Variants in MAP3K7CL observed in about 807,000 individuals in gnomAD.
MAP3K7CL encodes MAP3K7 C-terminal-like protein.
Under a neutral mutation model 18.6 loss-of-function variants are expected in MAP3K7CL, and 16 were observed. That is an observed-to-expected ratio of 0.86 (90% CI 0.58 to 1.31). The LOEUF is 1.31. Ranked by LOEUF, MAP3K7CL falls within the 50% of genes most tolerant of loss-of-function variation. The pLI is 0.00. For missense variants in MAP3K7CL, 163 were observed against 174.4 expected (o/e 0.93, Z 0.37); for synonymous variants, 65 against 66.8 (o/e 0.97, Z 0.13).
chr21:29,107,105 C>G (rs1232119722), intron 4 of MAP3K7CL, among the ~76,000 whole-genome samples: 1 of 152,118 alleles, frequency 6.6e-6, no homozygotes, highest in East Asian at 1.9e-4. Flanking sequence ...ATCATGAGGT[C>G]AGGAGTTCAA....
At chr21:29,079,521 A>G (rs1489408788) in intron 1 of MAP3K7CL, among the ~76,000 whole-genome samples, 1 of 152,198 alleles carries the variant, frequency 6.6e-6, no homozygotes, top group Non-Finnish European at 1.5e-5. Flanking sequence ...CCCAAGAGGG[A>G]GCATCTGATT....
intron 4 of MAP3K7CL, among the ~76,000 whole-genome samples, chr21:29,114,591 A>C (rs543852656): frequency 1.3e-5 from 2 of 151,886 alleles, no homozygotes; most frequent in Non-Finnish European, 2.9e-5. Flanking sequence ...GGTTCTTGCT[A>C]TGTTGCCCAG....
chr21:29,122,586 C>T (rs542033770), intron 4 of MAP3K7CL, among the ~76,000 whole-genome samples: 47 of 152,330 alleles, frequency 3.1e-4, no homozygotes, highest in Non-Finnish European at 5.0e-4. Context: ...CTGCCAAACT[C>T]TTCTTCGAGG....
intron 2 of MAP3K7CL, among the ~76,000 whole-genome samples, chr21:29,146,690 A>G (rs1042155629): frequency 1.1e-4 from 17 of 152,326 alleles, no homozygotes; most frequent in African/African-American, 3.8e-4. Context: ...GAGGACACCC[A>G]TTGTCTAGCA....
intron 4 of MAP3K7CL, among the ~76,000 whole-genome samples, chr21:29,104,910 A>T (rs2086294019): frequency 6.6e-6 from 1 of 152,122 alleles, no homozygotes; most frequent in African/African-American, 2.4e-5. Flanking sequence ...CCCCCACCAG[A>T]TCCATTCGAT....
chr21:29,145,908 AT>A (rs1186629468), intron 2 of MAP3K7CL, among the ~76,000 whole-genome samples: 2 of 44,592 alleles, frequency 4.5e-5, no homozygotes, highest in Non-Finnish European at 1.1e-4. Flanking sequence ...AAGCTACTTT[AT>A]TTATCTGTAA....
At chr21:29,101,444 C>T (rs1048713143) in intron 4 of MAP3K7CL, among the ~76,000 whole-genome samples, 2 of 152,154 alleles carry the variant, frequency 1.3e-5, no homozygotes, top group Admixed American at 1.3e-4. Flanking sequence ...GAGTCTCGCT[C>T]TGTCACCCAG....
At chr21:29,114,741 C>G (rs1884197363) in intron 4 of MAP3K7CL, among the ~76,000 whole-genome samples, 1 of 152,136 alleles carries the variant, frequency 6.6e-6, no homozygotes, top group South Asian at 2.1e-4. Context: ...TAAATGACGG[C>G]AAATAATAAT....
At position 29,173,479 on chromosome 21, in the gene MAP3K7CL, A is replaced by G. The variant is rs181841294; in HGVS notation, c.249-1233A>G. ...CATCTAATGCTAACACCAGCAGTACAAAGCCTTCCCTTTGGAAAGCTCATC... is the reference window on the plus strand; with the variant it reads ...CATCTAATGCTAACACCAGCAGTACGAAGCCTTCCCTTTGGAAAGCTCATC... On this transcript the variant is annotated intron_variant, in intron 4 of 4. Coordinates refer to ENST00000399928, the MANE Select transcript of MAP3K7CL (RefSeq NM_001286620.2). Among the ~76,000 whole-genome samples the G allele has an allele frequency of 2.7e-3, 418 of 152,356 alleles. 1 individual carries two copies. Among genetic ancestry groups the G allele is most frequent in the African/African-American group, 9.6e-3 (399 of 41,584 alleles).
At chr21:29,106,425 G>A (rs1346623046) in intron 4 of MAP3K7CL, among the ~76,000 whole-genome samples, 5 of 152,012 alleles carry the variant, frequency 3.3e-5, no homozygotes, top group South Asian at 2.1e-4. Flanking sequence ...CAGGTGATCC[G>A]CCTGAAAAAG....
At chr21:29,159,823 G>A (rs558507863) in intron 3 of MAP3K7CL, 118 bp from the exon 4 acceptor site, 60 of 618,224 alleles carry the variant, frequency 9.7e-5, no homozygotes, top group Admixed American at 1.7e-4. Context: ...CTGTTCTCAC[G>A]TTAAAAAAAA....
chr21:29,156,194 GTTTA>G (rs2087400874), intron 3 of MAP3K7CL, among the ~76,000 whole-genome samples: 1 of 152,158 alleles, frequency 6.6e-6, no homozygotes, highest in Admixed American at 6.5e-5. Context: ...AACATTAAGA[GTTTA>G]TTTATCGTAC....
intron 4 of MAP3K7CL, among the ~76,000 whole-genome samples, chr21:29,097,706 G>A (rs1161929604): frequency 6.6e-6 from 1 of 152,064 alleles, no homozygotes; most frequent in Non-Finnish European, 1.5e-5. Flanking sequence ...GCAACATAAT[G>A]AAAACATGCA....
chr21:29,087,038 C>T (rs954083570), intron 1 of MAP3K7CL, among the ~76,000 whole-genome samples: 1 of 152,154 alleles, frequency 6.6e-6, no homozygotes, highest in Non-Finnish European at 1.5e-5. Flanking sequence ...ACTTCATGTC[C>T]TGCGTCTTTT....
chr21:29,113,664 T>A (rs1474375841), intron 4 of MAP3K7CL, among the ~76,000 whole-genome samples: 1 of 152,190 alleles, frequency 6.6e-6, no homozygotes, highest in African/African-American at 2.4e-5. Flanking sequence ...TAGCTGAGAT[T>A]ACAGGTGTGC....
intron 4 of MAP3K7CL, among the ~76,000 whole-genome samples, chr21:29,095,604 G>A (rs1194198505): frequency 6.6e-6 from 1 of 152,186 alleles, no homozygotes; most frequent in Non-Finnish European, 1.5e-5. Context: ...CTTCACCTGT[G>A]GTCTCCCAAC....
In MAP3K7CL at chr21:29,131,768, C is replaced by T. The variant is rs558402489; in HGVS notation, c.-40+845C>T. ...TTTTAATATAAGCCTGATCTTTTTT[C>T]ATATGCTGGGTAAGATGATTCCATA... On this transcript the variant is annotated intron_variant, in intron 1 of 4. Transcript: ENST00000399928. Among the ~76,000 whole-genome samples, 30 of 152,198 alleles carry T rather than the reference C, an allele frequency of 2.0e-4. No homozygotes were observed. In the South Asian group the frequency reaches 4.8e-3, roughly 24 times the overall value.
rs760807446 is a variant in MAP3K7CL at position 29,160,073 on chromosome 21, C to CA, written c.248+17_248+18insA. On this transcript the variant is annotated intron_variant, in intron 4 of 4. Transcript: ENST00000399928. ...GCAAAGGAAGTAAGTACCTACCCCC[C>CA]TCACTCTACATCTGAGCACTGCCTA... 8.8e-6 allele frequency: 14 copies of CA among 1,593,172 alleles called. No individual in the cohort carries two copies. Among genetic ancestry groups the CA allele is most frequent in the Middle Eastern group, 1.7e-4 (1 of 6,032 alleles).
chr21:29,120,508 TC>T (rs1221215149), intron 4 of MAP3K7CL, among the ~76,000 whole-genome samples: 1 of 152,172 alleles, frequency 6.6e-6, no homozygotes, highest in East Asian at 1.9e-4. Context: ...TTAAATTACA[TC>T]ATGGGTATGA....
Sources: gnomAD v4.1 joint callset for allele counts (sites outside exome capture counted in the v4.1 genomes callset) on GRCh38, gnomAD v4.1.1 for gene constraint, MANE v1.5 for transcripts, NCBI Gene and HGNC (gene_info 2026-07-23, HGNC 2026-07-21) for gene names.